The following STX12 variants were observed in gnomAD, a reference collection of about 807,000 sequenced individuals.
The protein encoded by STX12 is syntaxin-12.
STX12 carries 17 observed loss-of-function variants against 42.2 expected under a neutral mutation model. The ratio of observed to expected loss-of-function variants is 0.40; its 90% confidence interval spans 0.28 to 0.60. The LOEUF is 0.60. Among genes scored for constraint, STX12 ranks in the 20% least tolerant of loss-of-function variants. STX12 has a pLI of 0.39. For missense variants in STX12, 297 were observed against 330.9 expected (o/e 0.90, Z 0.79); for synonymous variants, 108 against 116.7 (o/e 0.93, Z 0.48).
Position 27,824,060 on chromosome 1 carries a change from C to T in STX12, c.*1731C>T, listed in dbSNP as rs574817010. The T allele has an allele frequency of 2.0e-5, 3 of 151,964 alleles. No homozygotes were observed. The highest frequency in any genetic ancestry group is 3.9e-4 in the East Asian group (2 of 5,188). 9.4% of individuals were successfully genotyped at this position (151,964 alleles called of 1,614,324 possible). A position where few individuals can be genotyped will look rare whatever the true frequency, so the allele number is the denominator to read the frequency against. On this transcript the variant is annotated 3_prime_UTR_variant, in exon 9 of 9. Transcript: ENST00000373943. ...CCTGGGCAGTATAGCAAGACCCCAT[C>T]TCCATTTTTTTTTTAATGATTTTTT...
chr1:27,782,850 A>G (rs2088677888), intron 1 of STX12, among the ~76,000 whole-genome samples: 1 of 152,116 alleles, frequency 6.6e-6, no homozygotes, highest in African/African-American at 2.4e-5. Flanking sequence ...AAAATGAAAC[A>G]TTTTTTAAAA....
At position 27,773,501 on chromosome 1, in the gene STX12, CCCGGCT is replaced by C. The variant is rs1482011975; in HGVS notation, c.118+77_118+82del. The C allele has an allele frequency of 6.6e-5, 93 of 1,403,960 alleles. No homozygotes were observed. The African/African-American group carries it at 1.2e-3, about 18-fold the overall frequency. The allele number at this position is 1,403,960 out of a possible 1,614,324, so 87.0% of individuals were successfully genotyped here. A position where few individuals can be genotyped will look rare whatever the true frequency, so the allele number is the denominator to read the frequency against. ...TGGGTGAGGCTGCCGGGACGCAGGGCCCGGCTGGGGCTACGGCCGAGGCCACACCTG... is the reference window on the plus strand; with the variant it reads ...TGGGTGAGGCTGCCGGGACGCAGGGCGGGGCTACGGCCGAGGCCACACCTG... On this transcript the variant is annotated intron_variant, in intron 1 of 8. Transcript: ENST00000373943.
chr1:27,819,989 C>G, intron 8 of STX12: 1 of 308,878 alleles, frequency 3.2e-6, no homozygotes, highest in Non-Finnish European at 6.2e-6. Context: ...ATACCTAAAT[C>G]TGCTATGAGG....
At chr1:27,816,016 A>G (rs868767371) in intron 6 of STX12, among the ~76,000 whole-genome samples, 4 of 152,124 alleles carry the variant, frequency 2.6e-5, no homozygotes, top group Middle Eastern at 3.4e-3. Flanking sequence ...TCTCTACTAA[A>G]AATACAAAAA....
chr1:27,818,225 C>T (rs2088956248), intron 7 of STX12, among the ~76,000 whole-genome samples: 1 of 151,974 alleles, frequency 6.6e-6, no homozygotes, highest in Non-Finnish European at 1.5e-5. Flanking sequence ...ACTAAAAATA[C>T]AAAAAATTAG....
intron 4 of STX12, among the ~76,000 whole-genome samples, chr1:27,804,028 C>A (rs576805161): frequency 4.0e-4 from 61 of 151,984 alleles, no homozygotes; most frequent in Non-Finnish European, 5.2e-4. Flanking sequence ...ACAAAAAAAA[C>A]CCCAGAATTC....
intron 6 of STX12, among the ~76,000 whole-genome samples, chr1:27,816,243 G>A (rs2088940226): frequency 6.6e-6 from 1 of 152,046 alleles, no homozygotes; most frequent in African/African-American, 2.4e-5. Context: ...GAACCCAGGA[G>A]GCGGAAGTTG....
At chr1:27,800,196 T>C (rs899611195) in intron 3 of STX12, among the ~76,000 whole-genome samples, 19 of 152,342 alleles carry the variant, frequency 1.2e-4, no homozygotes, top group Admixed American at 1.0e-3. Context: ...CACCATGCCT[T>C]TGCTCACACT....
chr1:27,811,960 A>T lies in STX12; in HGVS notation c.471-203A>T, dbSNP rs751652492. ...TGCCACATGTCAGCTTTGCCCATGG[A>T]AGCTGAGTCTTTGTTTTCCTGATAT... is the stretch of plus-strand genomic sequence containing the variant. On this transcript the variant is annotated intron_variant, in intron 5 of 8. Transcript: ENST00000373943. 4 of 646,934 alleles carry T rather than the reference A, an allele frequency of 6.2e-6. No homozygotes were observed. In the African/African-American group the frequency reaches 7.2e-5, roughly 12 times the overall value. The allele number at this position is 646,934 out of a possible 1,614,324, so 40.1% of individuals were successfully genotyped here.
At chr1:27,794,136 C>A (rs530522084) in intron 3 of STX12, among the ~76,000 whole-genome samples, 1 of 152,192 alleles carries the variant, frequency 6.6e-6, no homozygotes, top group East Asian at 1.9e-4. Context: ...GCAGTCCCCT[C>A]CCCTCAGCCT....
At chr1:27,819,859 G>A (rs909062315) in intron 8 of STX12, 127 bp downstream of exon 8, 10 of 664,458 alleles carry the variant, frequency 1.5e-5, no homozygotes, top group African/African-American at 1.3e-4. Context: ...AGTCATAATT[G>A]CAGTCCCAGT....
chr1:27,806,601 C>T (rs754177561), intron 4 of STX12, among the ~76,000 whole-genome samples: 7 of 152,130 alleles, frequency 4.6e-5, no homozygotes, highest in African/African-American at 9.7e-5. Context: ...TTTTAAAATA[C>T]GGTGAGTGTG....
At chr1:27,800,134 A>C (rs937979397) in intron 3 of STX12, among the ~76,000 whole-genome samples, 2 of 152,294 alleles carry the variant, frequency 1.3e-5, no homozygotes, top group Non-Finnish European at 2.9e-5. Context: ...CTCATTACTA[A>C]ACGTGTAGTT....
chr1:27,799,500 T>TTTTTTTA (rs2088812534), intron 3 of STX12, among the ~76,000 whole-genome samples: 3 of 151,296 alleles, frequency 2.0e-5, no homozygotes, highest in African/African-American at 7.4e-5. Flanking sequence ...TTTTTTTTTT[T>TTTTTTTA]GAGACAGAAC....
At chr1:27,789,259 C>A (rs2088721600) in intron 1 of STX12, among the ~76,000 whole-genome samples, 1 of 151,974 alleles carries the variant, frequency 6.6e-6, no homozygotes, top group South Asian at 2.1e-4. Context: ...AGAGGCCCTT[C>A]TAAAGGTGTT....
At chr1:27,813,174 A>G (rs139155385) in intron 6 of STX12, among the ~76,000 whole-genome samples, 6 of 150,930 alleles carry the variant, frequency 4.0e-5, no homozygotes, top group African/African-American at 1.5e-4. Flanking sequence ...CTAATAAAAT[A>G]TCCTTTTTTT....
At chr1:27,821,835 T>A (rs982228956) in intron 8 of STX12, among the ~76,000 whole-genome samples, 2 of 152,016 alleles carry the variant, frequency 1.3e-5, no homozygotes, top group African/African-American at 4.8e-5. Flanking sequence ...TGGCCAACAC[T>A]GGTGAAACCC....
At chr1:27,776,764 G>A (rs1374094357) in intron 1 of STX12, among the ~76,000 whole-genome samples, 1 of 152,132 alleles carries the variant, frequency 6.6e-6, no homozygotes, top group Non-Finnish European at 1.5e-5. Context: ...TGCTATAGCA[G>A]TTAACACTTC....
At chr1:27,781,125 C>T (rs1196032745) in intron 1 of STX12, among the ~76,000 whole-genome samples, 1 of 152,108 alleles carries the variant, frequency 6.6e-6, no homozygotes, top group African/African-American at 2.4e-5. Flanking sequence ...CTCACTGCAA[C>T]CTCTGCCTCC....
Sources: gnomAD v4.1 joint callset for allele counts (sites outside exome capture counted in the v4.1 genomes callset) on GRCh38, gnomAD v4.1.1 for gene constraint, MANE v1.5 for transcripts, NCBI Gene and HGNC (gene_info 2026-07-23, HGNC 2026-07-21) for gene names.